OPRPN: variants seen among roughly 807,000 people sequenced by gnomAD.
The protein encoded by OPRPN is opiorphin prepropeptide.
OPRPN carries 1 observed loss-of-function variant against 2.2 expected under a neutral mutation model. The ratio of observed to expected loss-of-function variants is 0.45; its 90% CI spans 0.16 to 2.15. OPRPN has a LOEUF of 2.15. Ranked by LOEUF, OPRPN falls within the 30% of genes most tolerant of loss-of-function variation. OPRPN has a pLI of 0.28. For synonymous variants in OPRPN, 126 were observed against 111.5 expected, an observed-to-expected ratio of 1.13 and a Z score of -0.82; for missense variants, 306 against 297.3, an observed-to-expected ratio of 1.03 and a Z score of -0.21.
chr4:70,409,752 C>T lies in OPRPN; in HGVS notation c.424C>T (p.Pro142Ser), dbSNP rs191965892. Residue 142 changes from proline (P) to serine (S), a missense_variant, in exon 3 of 3, where the codon CCC becomes TCC. Coordinates refer to ENST00000399575, the MANE Select transcript of OPRPN (RefSeq NM_021225.5). ...AIYLPISNPE[P>S]QINITTADTT... is the part of the protein sequence containing the mutation. ...TTACCTTCCTATCTCTAACCCTGAG[C>T]CCCAAATAAACATCACCACCGCAGA... is the stretch of plus-strand genomic sequence containing the variant. The T allele has an allele frequency of 8.1e-6, 13 of 1,613,466 alleles. No individual in the cohort carries two copies. Among genetic ancestry groups the T allele is most frequent in the Admixed American group, 1.7e-5 (1 of 59,946 alleles).
chr4:70,409,169 T>C (rs1176644885), intron 2 of OPRPN, among the ~76,000 whole-genome samples: 1 of 152,186 alleles, frequency 6.6e-6, no homozygotes, highest in Non-Finnish European at 1.5e-5. Flanking sequence ...ATTCTACTTT[T>C]CTTTGATTGC....
Position 70,409,890 on chromosome 4 carries a change from C to G in OPRPN, c.562C>G (p.Pro188Ala). The change falls in exon 3 of 3, where the codon CCT (proline) becomes GCT (alanine). Residue 188 changes from proline to alanine, a missense_variant. Physicochemically the swap from Pro to Ala is conservative, Grantham distance 27 (BLOSUM62 -1). Coordinates refer to ENST00000399575, the MANE Select transcript of OPRPN (RefSeq NM_021225.5). ...STVPISSTPE[P>A]ATSISAATPA... The stretch of plus-strand genomic sequence containing the variant: ...AGTACCTATCTCTTCAACACCAGAG[C>G]CTGCCACCTCCATATCAGCAGCAAC... 6.2e-7 allele frequency: 1 copy of G among 1,613,874 alleles called. No individual in the cohort carries two copies. Among genetic ancestry groups the G allele is most frequent in the Non-Finnish European group, 8.5e-7 (1 of 1,179,896 alleles).
chr4:70,405,815 G>A (rs573011461), intron 2 of OPRPN, among the ~76,000 whole-genome samples: 3 of 152,078 alleles, frequency 2.0e-5, no homozygotes, highest in Admixed American at 6.5e-5. Flanking sequence ...TGTAATCCCC[G>A]CATTTTGGGA....
At chr4:70,404,782 G>T (rs1002500925) in intron 2 of OPRPN, among the ~76,000 whole-genome samples, 2 of 152,048 alleles carry the variant, frequency 1.3e-5, no homozygotes, top group Non-Finnish European at 2.9e-5. Flanking sequence ...TGTCCTCCCC[G>T]CACCTTAACT....
intron 2 of OPRPN, among the ~76,000 whole-genome samples, chr4:70,399,872 TTAAC>T (rs1336957917): frequency 1.1e-4 from 17 of 151,898 alleles, no homozygotes; most frequent in African/African-American, 3.9e-4. Flanking sequence ...AAATATTCCT[TTAAC>T]TGACTGGAAA....
rs753759585 is a variant in OPRPN, at chr4:70,409,797, C to A, written c.469C>A (p.Pro157Thr). ...CGCAGATACAACAATCACCACAAAT[C>A]CCCCCACCACTGCAACAGCAACCAC... is the stretch of plus-strand genomic sequence containing the variant. ...TTADTTITTN[P>T]PTTATATTST... Residue 157 changes from proline to threonine, a missense_variant, in exon 3 of 3, where the codon CCC becomes ACC. Transcript: ENST00000399575. The A allele has an allele frequency of 6.2e-7, 1 of 1,613,044 alleles. No homozygotes were observed. The highest frequency in any genetic ancestry group is 1.7e-4 in the Middle Eastern group (1 of 6,058).
chr4:70,402,102 C>A lies in OPRPN; in HGVS notation c.51+2766C>A, dbSNP rs117041944. On this transcript the variant is annotated intron_variant, in intron 2 of 2. Transcript: ENST00000399575. ...TAGCCTGAACTAAACCAACGATAAG[C>A]AGATATCAAATAACCGAAGACAGAC... Among the ~76,000 whole-genome samples the A allele has an allele frequency of 3.3e-5, 5 of 152,176 alleles. No homozygotes were observed. In the East Asian group the frequency reaches 9.6e-4, roughly 29 times the overall value.
intron 2 of OPRPN, among the ~76,000 whole-genome samples, chr4:70,404,368 A>C (rs1733043498): frequency 6.6e-6 from 1 of 152,054 alleles, no homozygotes; most frequent in South Asian, 2.1e-4. Flanking sequence ...GTCTCCCAGG[A>C]CACCATCTTC....
At chr4:70,404,178 A>G (rs1316801679) in intron 2 of OPRPN, among the ~76,000 whole-genome samples, 3 of 152,190 alleles carry the variant, frequency 2.0e-5, no homozygotes, top group Non-Finnish European at 4.4e-5. Flanking sequence ...CGTAAGGGTC[A>G]GCTTTCAGTC....
At chr4:70,405,862 G>C (rs1012616399) in intron 2 of OPRPN, among the ~76,000 whole-genome samples, 1 of 151,814 alleles carries the variant, frequency 6.6e-6, no homozygotes, top group Non-Finnish European at 1.5e-5. Flanking sequence ...TCAGGAGTTC[G>C]AGACTAGCCT....
chr4:70,403,967 C>A (rs1234423727), intron 2 of OPRPN, among the ~76,000 whole-genome samples: 2 of 152,114 alleles, frequency 1.3e-5, no homozygotes, highest in Non-Finnish European at 2.9e-5. Flanking sequence ...CCTACTAGCA[C>A]ATAAATATGA....
intron 1 of OPRPN, 61 bp from the exon 2 acceptor site, chr4:70,399,210 T>C (rs1732921799): frequency 3.2e-6 from 4 of 1,264,344 alleles, no homozygotes; most frequent in Admixed American, 2.1e-5. Flanking sequence ...TAAAAAATTT[T>C]TTCTGAAAAA....
chr4:70,399,722 C>A (rs902705126), intron 2 of OPRPN, among the ~76,000 whole-genome samples: 1 of 151,926 alleles, frequency 6.6e-6, no homozygotes, highest in African/African-American at 2.4e-5. Flanking sequence ...GTTGGAGCTT[C>A]ATGATAAATT....
chr4:70,410,109 G>C lies in OPRPN; in HGVS notation c.*34G>C. 1.4e-6 allele frequency: 2 copies of C among 1,441,400 alleles called. No homozygotes were observed. The highest frequency in any genetic ancestry group is 1.9e-6 in the Non-Finnish European group (2 of 1,068,614). 89.3% of individuals were successfully genotyped at this position (1,441,400 alleles called of 1,614,324 possible). Reference sequence around the variant, plus strand: ...TAAATGATATTTTCCAAACTGCTCTGATATCTTAGAAGAAATAAACTGCAA... The same window carrying C: ...TAAATGATATTTTCCAAACTGCTCTCATATCTTAGAAGAAATAAACTGCAA... On this transcript the variant is annotated 3_prime_UTR_variant, in exon 3 of 3. Transcript: ENST00000399575.
Position 70,397,941 on chromosome 4 carries a change from T to G in OPRPN, c.-115T>G, listed in dbSNP as rs1219738890. On this transcript the variant is annotated 5_prime_UTR_variant, in exon 1 of 3. Transcript: ENST00000399575. ...AAGAAAGGCTTTTCTATCAAAGTTC[T>G]TTCTCTTCTTGGACTTTTAAATTGT... The G allele has an allele frequency of 3.3e-5, 5 of 151,942 alleles. No individual in the cohort carries two copies. In the East Asian group the frequency reaches 9.7e-4, roughly 29 times the overall value. The allele number at this position is 151,942 out of a possible 1,614,324, so 9.4% of individuals were successfully genotyped here. A position where few individuals can be genotyped will look rare whatever the true frequency, so the allele number is the denominator to read the frequency against.
In OPRPN at chr4:70,404,579, G is replaced by C. The variant is rs145903923; in HGVS notation, c.52-4801G>C. Among the ~76,000 whole-genome samples, 456 of 152,214 alleles carry C rather than the reference G, an allele frequency of 3.0e-3. 4 individuals are homozygous for C. The highest frequency in any genetic ancestry group is 0.01 in the African/African-American group (429 of 41,534). On this transcript the variant is annotated intron_variant, in intron 2 of 2. Coordinates refer to ENST00000399575, the MANE Select transcript of OPRPN (RefSeq NM_021225.5). ...GCCAAGCCATCATCACTTCCTACCT[G>C]TGGCAACAATAACTGATCTCTCTGC...
intron 2 of OPRPN, chr4:70,399,608 T>G (rs74689399): frequency 0.014 from 3,595 of 257,408 alleles, 169 homozygotes; most frequent in East Asian, 0.13. Flanking sequence ...GAGATATCTC[T>G]TCCTTTTTAT....
rs572249005 is a variant in OPRPN at position 70,409,880 on chromosome 4, A to G, written c.552A>G (p.Ser184=). Reference sequence around the variant, plus strand: ...GCTCCTCAACAGTACCTATCTCTTCAACACCAGAGCCTGCCACCTCCATAT... The same window carrying G: ...GCTCCTCAACAGTACCTATCTCTTCGACACCAGAGCCTGCCACCTCCATAT... ...TISSSTVPIS[S]TPEPATSISA... Residue 184 remains serine, a synonymous_variant, in exon 3 of 3, where the codon TCA becomes TCG. Coordinates refer to ENST00000399575, the MANE Select transcript of OPRPN (RefSeq NM_021225.5). 2 of 1,613,808 alleles carry G rather than the reference A, an allele frequency of 1.2e-6. No homozygotes were observed. Among genetic ancestry groups the G allele is most frequent in the South Asian group, 2.2e-5 (2 of 91,050 alleles).
intron 2 of OPRPN, among the ~76,000 whole-genome samples, chr4:70,400,237 A>G (rs1199585989): frequency 2.6e-5 from 4 of 151,864 alleles, no homozygotes; most frequent in African/African-American, 7.2e-5. Flanking sequence ...CCAAATTGGG[A>G]TCTTCATAGA....
Sources: allele counts gnomAD v4.1 joint callset (sites outside exome capture counted in the v4.1 genomes callset), GRCh38; gene constraint gnomAD v4.1.1; transcripts MANE v1.5; gene names NCBI Gene and HGNC (gene_info 2026-07-23, HGNC 2026-07-21).